The following DIS3L2 variants were observed in gnomAD, a reference collection of about 807,000 sequenced individuals.
DIS3L2 encodes the protein DIS3-like exonuclease 2.
A neutral mutation model predicts 97.5 loss-of-function variants in DIS3L2; 34 were observed. The ratio of observed to expected loss-of-function variants is 0.35; its 90% CI spans 0.27 to 0.46. DIS3L2 has a LOEUF of 0.46. DIS3L2 is among the 20% of genes least tolerant of loss of function. DIS3L2 has a pLI of 1.00. For synonymous variants in DIS3L2, 435 were observed against 445.2 expected, an observed-to-expected ratio of 0.98 and a Z score of 0.29; for missense variants, 1,038 against 1,146.0, an observed-to-expected ratio of 0.91 and a Z score of 1.36.
intron 5 of DIS3L2, among the ~76,000 whole-genome samples, chr2:232,033,080 A>G (rs1471132050): frequency 6.6e-6 from 1 of 152,182 alleles, no homozygotes; most frequent in African/African-American, 2.4e-5. Context: ...TTTGGGCACT[A>G]TGGCCATTTT....
Position 232,084,568 on chromosome 2 carries a change from C to T in DIS3L2, c.367-2919C>T, listed in dbSNP as rs542773680. ...ATGAGCTCTTGCAGGAAGGGCCCTGCGGGAATCTTTTTGGAGATTGCTGGC... is the reference window on the plus strand; with the variant it reads ...ATGAGCTCTTGCAGGAAGGGCCCTGTGGGAATCTTTTTGGAGATTGCTGGC... On this transcript the variant is annotated intron_variant, in intron 5 of 20. Transcript: ENST00000325385. Among the ~76,000 whole-genome samples, 21 of 152,166 alleles carry T rather than the reference C, an allele frequency of 1.4e-4. No individual in the cohort carries two copies. In the South Asian group the frequency reaches 2.3e-3, roughly 17 times the overall value.
intron 8 of DIS3L2, among the ~76,000 whole-genome samples, chr2:232,145,594 T>G (rs894518522): frequency 6.6e-6 from 1 of 152,198 alleles, no homozygotes; most frequent in Non-Finnish European, 1.5e-5. Flanking sequence ...ATAAAAGCAA[T>G]AGTAGCAGGC....
chr2:232,110,832 C>T (rs184773963), intron 6 of DIS3L2, among the ~76,000 whole-genome samples: 5 of 151,830 alleles, frequency 3.3e-5, no homozygotes, highest in East Asian at 3.9e-4. Context: ...CACATGTTTA[C>T]CTGTGTAATG....
chr2:232,096,754 A>G (rs939117466), intron 6 of DIS3L2, among the ~76,000 whole-genome samples: 1 of 150,112 alleles, frequency 6.7e-6, no homozygotes, highest in Non-Finnish European at 1.5e-5. Flanking sequence ...TCAGCTCCAG[A>G]TTTTCTGTTT....
intron 14 of DIS3L2, among the ~76,000 whole-genome samples, chr2:232,306,304 T>C (rs1366966051): frequency 6.6e-6 from 1 of 152,234 alleles, no homozygotes; most frequent in African/African-American, 2.4e-5. Context: ...TGGCTTTATG[T>C]GGGGATCTCA....
chr2:232,230,333 A>G (rs540188888), intron 10 of DIS3L2, among the ~76,000 whole-genome samples: 1 of 152,370 alleles, frequency 6.6e-6, no homozygotes, highest in East Asian at 1.9e-4. Flanking sequence ...TCCTGGCTGC[A>G]TGAGCTGCCC....
chr2:232,056,774 T>C (rs1695560466), intron 5 of DIS3L2, among the ~76,000 whole-genome samples: 1 of 152,174 alleles, frequency 6.6e-6, no homozygotes, highest in African/African-American at 2.4e-5. Context: ...AGGTAAACAA[T>C]ATTAAGAGTT....
rs377635213 is a variant in DIS3L2 at position 232,025,204 on chromosome 2, T to C, written c.264+874T>C. ...ATTGAGCACCCCTTATTTGAAACAC[T>C]TGGGACCAGAGGTATTTTGGATTTA... On this transcript the variant is annotated intron_variant, in intron 4 of 20. Transcript: ENST00000325385. 2.8e-4 allele frequency among the ~76,000 whole-genome samples: 43 copies of C among 152,322 alleles called. No homozygotes were observed. The South Asian group carries it at 2.9e-3, about 10-fold the overall frequency.
chr2:232,257,791 A>G (rs560085094), intron 12 of DIS3L2, among the ~76,000 whole-genome samples: 3 of 152,352 alleles, frequency 2.0e-5, no homozygotes, highest in South Asian at 4.1e-4. Flanking sequence ...TTCTGTATCA[A>G]TATAGAAAGT....
At chr2:232,119,921 T>C (rs1397130699) in intron 6 of DIS3L2, among the ~76,000 whole-genome samples, 3 of 152,216 alleles carry the variant, frequency 2.0e-5, no homozygotes, top group Non-Finnish European at 4.4e-5. Flanking sequence ...AATGGGGTAG[T>C]GAAAGGATGT....
chr2:232,271,970 G>T (rs917865097), intron 13 of DIS3L2, among the ~76,000 whole-genome samples: 9 of 152,156 alleles, frequency 5.9e-5, no homozygotes, highest in African/African-American at 2.2e-4. Flanking sequence ...TTATATATAA[G>T]CAACACTAAT....
chr2:232,013,563 TCA>T (rs1408130647), intron 1 of DIS3L2, among the ~76,000 whole-genome samples: 1 of 152,244 alleles, frequency 6.6e-6, no homozygotes, highest in East Asian at 1.9e-4. Flanking sequence ...TAAAGTACTC[TCA>T]GGTTTCCTGA....
chr2:232,232,603 G>A (rs894338394), intron 10 of DIS3L2, among the ~76,000 whole-genome samples: 11 of 152,166 alleles, frequency 7.2e-5, no homozygotes, highest in Non-Finnish European at 1.5e-4. Context: ...TGGTTTAGTG[G>A]AGGTGATCCC....
At chr2:232,021,911 C>T (rs62200587) in intron 3 of DIS3L2, among the ~76,000 whole-genome samples, 20,181 of 151,948 alleles carry the variant, frequency 0.13, 1,816 homozygotes, top group South Asian at 0.34. Context: ...TCAATTAAGG[C>T]GAAGAATCAG....
chr2:231,992,719 A>G (rs1448196323), intron 1 of DIS3L2, among the ~76,000 whole-genome samples: 2 of 152,282 alleles, frequency 1.3e-5, no homozygotes, highest in East Asian at 1.9e-4. Context: ...TCTTAGTGAC[A>G]TAGGGCTTCA....
chr2:232,060,914 AGCT>A (rs1559585396), intron 5 of DIS3L2, among the ~76,000 whole-genome samples: 1 of 152,058 alleles, frequency 6.6e-6, no homozygotes, highest in African/African-American at 2.4e-5. Flanking sequence ...TTTTATTTGT[AGCT>A]ATTATAAATG....
chr2:232,183,217 G>C (rs1280129249), intron 9 of DIS3L2, among the ~76,000 whole-genome samples: 2 of 152,170 alleles, frequency 1.3e-5, no homozygotes, highest in Non-Finnish European at 2.9e-5. Context: ...CCAAAACTGT[G>C]AGAAATAAAC....
intron 9 of DIS3L2, among the ~76,000 whole-genome samples, chr2:232,186,561 C>T (rs1691441077): frequency 6.6e-6 from 1 of 152,124 alleles, no homozygotes; most frequent in Middle Eastern, 3.2e-3. Context: ...TTTTATGAAG[C>T]CTGATACCCA....
intron 6 of DIS3L2, among the ~76,000 whole-genome samples, chr2:232,106,872 C>CA (rs1271283069): frequency 2.0e-5 from 3 of 152,182 alleles, no homozygotes; most frequent in Non-Finnish European, 2.9e-5. Context: ...CACTCCTCAG[C>CA]AAATGCAAAA....
Sources: allele counts gnomAD v4.1 joint callset (sites outside exome capture counted in the v4.1 genomes callset), GRCh38; gene constraint gnomAD v4.1.1; transcripts MANE v1.5; gene names NCBI Gene and HGNC (gene_info 2026-07-23, HGNC 2026-07-21).